PCDH15: variants seen among roughly 807,000 people sequenced by gnomAD.
PCDH15 encodes the protein protocadherin-15.
Under a neutral mutation model 178.5 loss-of-function variants are expected in PCDH15, and 129 were observed. The observed-to-expected ratio is 0.72, with a 90% CI of 0.63 to 0.84. PCDH15 has a LOEUF of 0.84. PCDH15 is among the 40% of genes least tolerant of loss of function. The probability of loss-of-function intolerance (pLI) is 0.00; values close to 1 mark genes in which losing one functional copy is unlikely to be tolerated. For missense variants in PCDH15, 2,230 were observed against 2,099.9 expected (o/e 1.06, Z -1.21); for synonymous variants, 800 against 732.0 (o/e 1.09, Z -1.50).
intron 2 of PCDH15, among the ~76,000 whole-genome samples, chr10:55,467,950 G>C (rs908460897): frequency 8.3e-5 from 6 of 72,310 alleles, no homozygotes; most frequent in African/African-American, 2.3e-4. Context: ...CTGGGCGATA[G>C]AGCCAGACTC....
chr10:55,388,387 C>T (rs949616901), intron 2 of PCDH15, among the ~76,000 whole-genome samples: 1 of 152,004 alleles, frequency 6.6e-6, no homozygotes, highest in African/African-American at 2.4e-5. Context: ...ATTGTTCACT[C>T]TCTCTGAATC....
chr10:53,822,484 G>A, intron 32 of PCDH15: 1 of 1,609,060 alleles, frequency 6.2e-7, no homozygotes, highest in Non-Finnish European at 8.5e-7. Context: ...GGAGGAGGGG[G>A]AAGGGGACAG....
intron 20 of PCDH15, among the ~76,000 whole-genome samples, chr10:54,008,347 A>G (rs1299709126): frequency 6.6e-6 from 1 of 152,190 alleles, no homozygotes; most frequent in East Asian, 1.9e-4. Context: ...TATCTGAGGA[A>G]TAAATTATCT....
At chr10:55,199,727 C>T (rs748492177) in intron 1 of PCDH15, among the ~76,000 whole-genome samples, 16 of 152,042 alleles carry the variant, frequency 1.1e-4, no homozygotes, top group Non-Finnish European at 4.4e-5. Context: ...GGACTTGCTG[C>T]TCTTTGCAGC....
chr10:55,620,979 A>T (rs1264950872), intron 2 of PCDH15, among the ~76,000 whole-genome samples: 2 of 151,866 alleles, frequency 1.3e-5, no homozygotes, highest in Admixed American at 1.3e-4. Flanking sequence ...GCAAATGTTA[A>T]TTTAATACAT....
At chr10:55,619,595 G>T (rs1427432633) in intron 2 of PCDH15, among the ~76,000 whole-genome samples, 1 of 151,902 alleles carries the variant, frequency 6.6e-6, no homozygotes, top group Non-Finnish European at 1.5e-5. Flanking sequence ...GTAAAGTTAC[G>T]AGAATCAAAT....
At chr10:55,181,840 A>ATACAGAG (rs1839657077) in intron 1 of PCDH15, among the ~76,000 whole-genome samples, 2 of 152,018 alleles carry the variant, frequency 1.3e-5, no homozygotes, top group Non-Finnish European at 2.9e-5. Flanking sequence ...GAGGTATTTA[A>ATACAGAG]GTAGGATTTT....
At chr10:54,400,814 A>G (rs1328113797) in intron 3 of PCDH15, among the ~76,000 whole-genome samples, 1 of 152,022 alleles carries the variant, frequency 6.6e-6, no homozygotes, top group Non-Finnish European at 1.5e-5. Flanking sequence ...ACAATGAAAG[A>G]TAGACGAAAA....
chr10:54,327,192 T>TA (rs5785062), intron 7 of PCDH15, among the ~76,000 whole-genome samples: 106,223 of 151,412 alleles, frequency 0.7, 38,003 homozygotes, highest in Middle Eastern at 0.81. Flanking sequence ...AATTGCATGA[T>TA]AAAAAAACTA....
At chr10:55,407,650 G>A (rs985871283) in intron 2 of PCDH15, among the ~76,000 whole-genome samples, 5 of 152,142 alleles carry the variant, frequency 3.3e-5, no homozygotes, top group African/African-American at 1.2e-4. Flanking sequence ...TCTGGCCAGT[G>A]AGCCTCACTA....
intron 2 of PCDH15, among the ~76,000 whole-genome samples, chr10:54,613,504 T>TAC (rs367744959): frequency 0.22 from 32,076 of 148,370 alleles, 3,477 homozygotes; most frequent in African/African-American, 0.24. Context: ...CACACACACA[T>TAC]ACACACACAC....
intron 2 of PCDH15, among the ~76,000 whole-genome samples, chr10:54,654,407 G>A (rs1275771269): frequency 6.6e-6 from 1 of 152,084 alleles, no homozygotes; most frequent in Admixed American, 6.5e-5. Flanking sequence ...ACTCAGAAAA[G>A]GTCAGTAAAA....
chr10:54,779,503 C>CATATATGTGTGTAT (rs1950136420), intron 1 of PCDH15, among the ~76,000 whole-genome samples: 2 of 139,524 alleles, frequency 1.4e-5, no homozygotes, highest in Non-Finnish European at 3.1e-5. Flanking sequence ...TATATACACA[C>CATATATGTGTGTAT]ATATATGTGT....
intron 2 of PCDH15, among the ~76,000 whole-genome samples, chr10:54,900,897 C>T (rs1954627668): frequency 6.6e-6 from 1 of 152,088 alleles, no homozygotes; most frequent in Non-Finnish European, 1.5e-5. Flanking sequence ...TAGTATTGGT[C>T]AACAGGCAAT....
chr10:54,336,552 G>A (rs1022654773), intron 6 of PCDH15, among the ~76,000 whole-genome samples: 1 of 152,200 alleles, frequency 6.6e-6, no homozygotes, highest in African/African-American at 2.4e-5. Context: ...GAAGGTGCAA[G>A]CCCCAAGCCT....
intron 17 of PCDH15, 126 bp from the exon 18 acceptor site, chr10:54,067,011 CAAAAAATAAAAATA>C: frequency 1.3e-6 from 1 of 786,838 alleles, no homozygotes. Context: ...CTTAGCTTTC[CAAAAAATAAAAATA>C]AAAAAATAAA....
intron 15 of PCDH15, among the ~76,000 whole-genome samples, chr10:54,100,505 T>C (rs142945348): frequency 7.5e-4 from 115 of 152,328 alleles, no homozygotes; most frequent in African/African-American, 2.6e-3. Context: ...GGTATTTATA[T>C]CTCAGTGACA....
At chr10:54,600,954 T>C (rs1261498630) in intron 2 of PCDH15, among the ~76,000 whole-genome samples, 7 of 152,004 alleles carry the variant, frequency 4.6e-5, no homozygotes, top group Non-Finnish European at 7.4e-5. Context: ...TTGAGATGTA[T>C]TATGTAAAGT....
chr10:54,750,047 C>A (rs1263087031), intron 1 of PCDH15, among the ~76,000 whole-genome samples: 1 of 151,966 alleles, frequency 6.6e-6, no homozygotes, highest in Non-Finnish European at 1.5e-5. Flanking sequence ...ATTATTACTT[C>A]ATTGTCAAGT....
Sources: gnomAD v4.1 joint callset for allele counts (sites outside exome capture counted in the v4.1 genomes callset) on GRCh38, gnomAD v4.1.1 for gene constraint, MANE v1.5 for transcripts, NCBI Gene and HGNC (gene_info 2026-07-23, HGNC 2026-07-21) for gene names.